The following CRIM1 variants were observed in gnomAD, a reference collection of about 807,000 sequenced individuals.
CRIM1 encodes the protein cysteine-rich motor neuron 1 protein.
CRIM1 carries 32 observed loss-of-function variants against 116.4 expected under a neutral mutation model. The ratio of observed to expected loss-of-function variants is 0.27; its 90% CI spans 0.21 to 0.37. CRIM1 has a LOEUF of 0.37. Ranked by LOEUF, CRIM1 falls within the 10% of genes least tolerant of loss-of-function variation. The pLI, the probability that CRIM1 is intolerant of heterozygous loss-of-function variation, is 1.00. For synonymous variants in CRIM1, 590 were observed against 509.2 expected (o/e 1.16, Z -2.13); for missense variants, 1,331 against 1,354.8 (o/e 0.98, Z 0.28).
In CRIM1 at chr2:36,548,794, T is replaced by C. The variant is rs1667540684; in HGVS notation, c.*93T>C. On this transcript the variant is annotated 3_prime_UTR_variant, in exon 17 of 17. Coordinates refer to ENST00000280527, the MANE Select transcript of CRIM1 (RefSeq NM_016441.3). ...GAATTTGTGCACTTGCTTAGTGGAT[T>C]GTATTGGATTGTGACTTGATGTACA... The C allele has an allele frequency of 1.9e-6, 2 of 1,043,942 alleles. No homozygotes were observed. The highest frequency in any genetic ancestry group is 2.5e-5 in the East Asian group (1 of 39,280). The allele number at this position is 1,043,942 out of a possible 1,614,324, so 64.7% of individuals were successfully genotyped here.
At chr2:36,416,147 A>G (rs1369006371) in intron 2 of CRIM1, among the ~76,000 whole-genome samples, 2 of 152,076 alleles carry the variant, frequency 1.3e-5, no homozygotes, top group Admixed American at 1.3e-4. Context: ...GGTGGAGGTT[A>G]CAGTGAGCAG....
intron 12 of CRIM1, among the ~76,000 whole-genome samples, chr2:36,518,831 T>C (rs536421396): frequency 4.6e-5 from 7 of 152,344 alleles, no homozygotes; most frequent in African/African-American, 1.4e-4. Flanking sequence ...CTTAGAGTGA[T>C]CTTTTCCTTG....
chr2:36,403,956 G>T lies in CRIM1; in HGVS notation c.505+7169G>T, dbSNP rs183464371. ...TCTGAGGGAGACTGTGGTGTCTAAT[G>T]ACTTTTTGAGTACATAAATGATGTG... On this transcript the variant is annotated intron_variant, in intron 2 of 16. Transcript: ENST00000280527. Among the ~76,000 whole-genome samples the T allele has an allele frequency of 1.9e-3, 284 of 152,192 alleles. 3 individuals are homozygous for T. Among genetic ancestry groups the T allele is most frequent in the Non-Finnish European group, 5.4e-4 (37 of 68,000 alleles).
At chr2:36,464,731 C>T in intron 5 of CRIM1, 76 bp downstream of exon 5, 1 of 1,555,366 alleles carries the variant, frequency 6.4e-7, no homozygotes, top group Non-Finnish European at 8.8e-7. Flanking sequence ...AACTTAGCTG[C>T]TTCTGCCTTT....
intron 14 of CRIM1, among the ~76,000 whole-genome samples, chr2:36,538,033 C>T (rs1279607230): frequency 4.6e-5 from 7 of 152,182 alleles, no homozygotes; most frequent in South Asian, 2.1e-4. Context: ...ATACCATCCA[C>T]GCAGCCTTCT....
At chr2:36,502,666 A>G (rs1247615304) in intron 8 of CRIM1, among the ~76,000 whole-genome samples, 1 of 152,172 alleles carries the variant, frequency 6.6e-6, no homozygotes, top group African/African-American at 2.4e-5. Flanking sequence ...ATGAAATATC[A>G]CTACTTTAAG....
At chr2:36,462,084 A>T (rs1453316297) in intron 4 of CRIM1, among the ~76,000 whole-genome samples, 1 of 152,180 alleles carries the variant, frequency 6.6e-6, no homozygotes, top group Non-Finnish European at 1.5e-5. Flanking sequence ...GATCTTTATT[A>T]TGCAGTCAGT....
chr2:36,423,677 ATTTG>A (rs1674241632), intron 2 of CRIM1, among the ~76,000 whole-genome samples: 1 of 152,142 alleles, frequency 6.6e-6, no homozygotes, highest in African/African-American at 2.4e-5. Context: ...CCCTTGTATC[ATTTG>A]TTTGTTAGAC....
intron 2 of CRIM1, among the ~76,000 whole-genome samples, chr2:36,400,936 C>T (rs548794193): frequency 3.7e-4 from 57 of 152,120 alleles, no homozygotes; most frequent in African/African-American, 1.3e-3. Flanking sequence ...TTTAGGGACT[C>T]TTCTTTGAGT....
chr2:36,502,093 G>A (rs1681041592), intron 8 of CRIM1, among the ~76,000 whole-genome samples: 1 of 152,060 alleles, frequency 6.6e-6, no homozygotes, highest in South Asian at 2.1e-4. Context: ...TAAAAATACA[G>A]ATTTCATTGT....
chr2:36,541,908 A>G lies in CRIM1; in HGVS notation c.2624-2468A>G, dbSNP rs556668092. Among the ~76,000 whole-genome samples the G allele has an allele frequency of 7.2e-5, 11 of 152,316 alleles. 1 individual carries two copies. In the South Asian group the frequency reaches 2.3e-3, roughly 32 times the overall value. On this transcript the variant is annotated intron_variant, in intron 14 of 16. Transcript: ENST00000280527. ...AGGCGGCCTGGGTCTAGGCGTGGAAACAAATAGCATTCCCACTTCTTTTTG... is the reference window on the plus strand; with the variant it reads ...AGGCGGCCTGGGTCTAGGCGTGGAAGCAAATAGCATTCCCACTTCTTTTTG...
intron 4 of CRIM1, among the ~76,000 whole-genome samples, chr2:36,446,449 A>G (rs1326689817): frequency 6.6e-6 from 1 of 152,208 alleles, no homozygotes; most frequent in Admixed American, 6.5e-5. Flanking sequence ...ATCCCTCACA[A>G]ATACTGGTTT....
intron 2 of CRIM1, among the ~76,000 whole-genome samples, chr2:36,430,133 C>G (rs1302114095): frequency 1.3e-5 from 2 of 152,118 alleles, no homozygotes; most frequent in East Asian, 3.9e-4. Flanking sequence ...GCTTAAATTG[C>G]TGGTATTTTG....
chr2:36,360,748 A>C (rs1475217855), intron 1 of CRIM1, among the ~76,000 whole-genome samples: 2 of 152,136 alleles, frequency 1.3e-5, no homozygotes, highest in African/African-American at 4.8e-5. Context: ...GCCGCATGGA[A>C]ACTACTCTCA....
intron 1 of CRIM1, among the ~76,000 whole-genome samples, chr2:36,386,646 C>T (rs114570376): frequency 1.3e-5 from 2 of 152,254 alleles, no homozygotes; most frequent in Admixed American, 6.5e-5. Context: ...TTGCTAAGCC[C>T]TATGATAGTT....
At chr2:36,357,785 G>A (rs1240884672) in intron 1 of CRIM1, among the ~76,000 whole-genome samples, 1 of 152,154 alleles carries the variant, frequency 6.6e-6, no homozygotes, top group Non-Finnish European at 1.5e-5. Flanking sequence ...CCCTCTGCCC[G>A]GCGTGCCTTC....
intron 4 of CRIM1, among the ~76,000 whole-genome samples, chr2:36,451,230 A>T (rs563820148): frequency 6.6e-6 from 1 of 152,190 alleles, no homozygotes; most frequent in Admixed American, 6.5e-5. Context: ...CATCTTACAG[A>T]TATGACCAAT....
intron 2 of CRIM1, among the ~76,000 whole-genome samples, chr2:36,430,203 C>T (rs183937604): frequency 6.6e-6 from 1 of 152,252 alleles, no homozygotes; most frequent in East Asian, 1.9e-4. Flanking sequence ...GTACTTTTTC[C>T]ACCTACCTCT....
chr2:36,410,934 G>T (rs1014145474), intron 2 of CRIM1, among the ~76,000 whole-genome samples: 1 of 152,200 alleles, frequency 6.6e-6, no homozygotes, highest in Non-Finnish European at 1.5e-5. Context: ...GTCCTGCTCT[G>T]ACCTCAGAGG....
Sources: allele counts gnomAD v4.1 joint callset (sites outside exome capture counted in the v4.1 genomes callset), GRCh38; gene constraint gnomAD v4.1.1; transcripts MANE v1.5; gene names NCBI Gene and HGNC (gene_info 2026-07-23, HGNC 2026-07-21).